Variants in TECTA observed in about 807,000 individuals in gnomAD.
TECTA encodes the protein tectorin alpha.
Under a neutral mutation model 216.8 loss-of-function variants are expected in TECTA, and 128 were observed. The observed-to-expected ratio is 0.59, with a 90% CI of 0.51 to 0.68. The LOEUF (loss-of-function observed/expected upper bound fraction) is 0.68. Ranked by LOEUF, TECTA falls within the 30% of genes least tolerant of loss-of-function variation. TECTA has a pLI of 0.00. For synonymous variants in TECTA, 1,089 were observed against 1,117.1 expected, an observed-to-expected ratio of 0.97 and a Z score of 0.50; for missense variants, 2,551 against 2,786.2, an observed-to-expected ratio of 0.92 and a Z score of 1.90.
intron 3 of TECTA, among the ~76,000 whole-genome samples, chr11:121,107,295 T>G (rs539431945): frequency 6.6e-6 from 1 of 152,340 alleles, no homozygotes; most frequent in Admixed American, 6.5e-5. Context: ...CTGAAGAATT[T>G]TTTCTTGCCC....
At chr11:121,120,352 A>G (rs757701208) in intron 7 of TECTA, among the ~76,000 whole-genome samples, 1 of 152,226 alleles carries the variant, frequency 6.6e-6, no homozygotes, top group African/African-American at 2.4e-5. Flanking sequence ...CAAGCTAACA[A>G]TGGCTTCCTT....
In TECTA at chr11:121,113,357, C is replaced by G. The variant is rs1285705331; in HGVS notation, c.624+148C>G. On this transcript the variant is annotated intron_variant, in intron 5 of 23. Coordinates refer to ENST00000392793, the MANE Select transcript of TECTA (RefSeq NM_005422.4). This position sits in a 1 kb window ranked among gnomAD's most constrained non-coding sequence, Gnocchi z 4.2. ...CAGGTGGACTACGAGGCTAGTCCTG[C>G]CCATGTTTGGCACCCTGACTCGGCT... 6.7e-7 allele frequency: 1 copy of G among 1,497,590 alleles called. No homozygotes were observed. The allele number at this position is 1,497,590 out of a possible 1,614,324, so 92.8% of individuals were successfully genotyped here.
At chr11:121,142,204 G>T (rs1565528326) in intron 11 of TECTA, among the ~76,000 whole-genome samples, 1 of 152,096 alleles carries the variant, frequency 6.6e-6, no homozygotes, top group Non-Finnish European at 1.5e-5. Flanking sequence ...CTAATATGTG[G>T]TCTTATTTCC....
chr11:121,119,848 C>G (rs534173983), intron 7 of TECTA, among the ~76,000 whole-genome samples: 1 of 152,318 alleles, frequency 6.6e-6, no homozygotes, highest in African/African-American at 2.4e-5. Flanking sequence ...TGAGCTATTA[C>G]TGTGGTTGAA....
chr11:121,110,276 C>T (rs2135056049), intron 4 of TECTA: 1 of 152,364 alleles, frequency 6.6e-6, no homozygotes, highest in East Asian at 1.9e-4. Context: ...ACATCTTCAA[C>T]TGTATAATTT....
Position 121,165,257 on chromosome 11 carries a change from G to A in TECTA, c.5273-16G>A. On this transcript the variant is annotated splice_polypyrimidine_tract_variant and intron_variant, in intron 16 of 23. Transcript: ENST00000392793. The stretch of plus-strand genomic sequence containing the variant: ...AAAATGAAGTTGTGCATGTTTCTGT[G>A]TGTTTTTCTTTTTAGCAGGAGTGGT... The A allele has an allele frequency of 1.3e-6, 2 of 1,584,478 alleles. No individual in the cohort carries two copies. The highest frequency in any genetic ancestry group is 1.7e-6 in the Non-Finnish European group (2 of 1,164,028).
At chr11:121,161,904 C>T (rs924285212) in intron 15 of TECTA, among the ~76,000 whole-genome samples, 171 bp from the exon 16 acceptor site, 2 of 152,038 alleles carry the variant, frequency 1.3e-5, no homozygotes, top group Non-Finnish European at 2.9e-5. Flanking sequence ...GTTTTACTTT[C>T]TTAGATGGAT....
chr11:121,124,647 G>T (rs1376785304), intron 7 of TECTA, among the ~76,000 whole-genome samples: 4 of 152,208 alleles, frequency 2.6e-5, no homozygotes, highest in African/African-American at 9.6e-5. Flanking sequence ...TCCTTGAGGG[G>T]CAGGGGCAAT....
intron 7 of TECTA, 105 bp downstream of exon 7, chr11:121,118,823 G>T: frequency 6.9e-7 from 1 of 1,449,342 alleles, no homozygotes; most frequent in Non-Finnish European, 9.5e-7. Context: ...TCTCTGTACA[G>T]TGCCAAAGAG....
chr11:121,162,162 T>G lies in TECTA; in HGVS notation c.5064T>G (p.Asp1688Glu). The G allele has an allele frequency of 6.2e-7, 1 of 1,614,204 alleles. No individual in the cohort carries two copies. Among genetic ancestry groups the G allele is most frequent in the Non-Finnish European group, 8.5e-7 (1 of 1,180,048 alleles). ...TGCACATCCAGAAGATGCAGGGTGA[T>G]GGCTACTGCCTGAAGCTCACCGACA... ...DNVHIQKMQG[D>E]GYCLKLTDMK... is the part of the protein sequence containing the mutation. The change falls in exon 16 of 24, where the codon GAT becomes GAG. Residue 1688 changes from aspartate (D) to glutamate (E), a missense_variant. Asp to Glu is a conservative substitution (Grantham distance 45, BLOSUM62 2). This residue lies in a region of TECTA where 2,375 missense variants were observed against 2,563.9 expected (regional missense o/e 0.93). Transcript: ENST00000392793.
intron 4 of TECTA, among the ~76,000 whole-genome samples, chr11:121,112,818 T>C (rs1366432238): frequency 2.0e-5 from 3 of 152,228 alleles, no homozygotes; most frequent in Non-Finnish European, 4.4e-5. Flanking sequence ...AAGTCAGAGA[T>C]ATAAGTGGGC....
At chr11:121,152,839 C>G (rs1297050832) in intron 12 of TECTA, 42 bp from the exon 13 acceptor site, 1 of 1,566,834 alleles carries the variant, frequency 6.4e-7, no homozygotes, top group African/African-American at 1.3e-5. Flanking sequence ...CTCCTCGGTG[C>G]CTTGTGATCG....
chr11:121,147,671 A>G (rs1946851806), intron 12 of TECTA, among the ~76,000 whole-genome samples: 1 of 152,208 alleles, frequency 6.6e-6, no homozygotes, highest in South Asian at 2.1e-4. Context: ...CTTTGGACGC[A>G]AAGGCCTAAA....
At chr11:121,180,545 A>G (rs1166682362) in intron 20 of TECTA, among the ~76,000 whole-genome samples, 2 of 152,242 alleles carry the variant, frequency 1.3e-5, no homozygotes, top group Middle Eastern at 3.4e-3. Flanking sequence ...TGTTTTTAGA[A>G]TTCTGTCTTT....
Position 121,118,726 on chromosome 11 carries a change from C to G in TECTA, c.1203+8C>G. ...AGCTATGGAAGAGTCAAGGTGAGCC[C>G]CTTTCTATCCTTCACGGGGAAATGG... On this transcript the variant is annotated splice_region_variant and intron_variant, in intron 7 of 23. Transcript: ENST00000392793. The G allele has an allele frequency of 6.2e-7, 1 of 1,613,182 alleles. No individual in the cohort carries two copies. The highest frequency in any genetic ancestry group is 8.5e-7 in the Non-Finnish European group (1 of 1,180,010).
At position 121,167,832 on chromosome 11, in the gene TECTA, G is replaced by A. The variant is rs951069863; in HGVS notation, c.5587-222G>A. ...AGTAGTAGATGAAATCACCTTCCAC[G>A]GGTATTCAAGGTTATCAGACTGAAG... On this transcript the variant is annotated intron_variant, in intron 18 of 23. Transcript: ENST00000392793. 3.9e-5 allele frequency among the ~76,000 whole-genome samples: 6 copies of A among 152,154 alleles called. No homozygotes were observed. In the South Asian group the frequency reaches 1.2e-3, roughly 32 times the overall value.
At chr11:121,170,066 A>C (rs907160279) in intron 20 of TECTA, among the ~76,000 whole-genome samples, 1 of 152,066 alleles carries the variant, frequency 6.6e-6, no homozygotes, top group African/African-American at 2.4e-5. Context: ...CATGAAATCA[A>C]CTTTTTAAGC....
At chr11:121,124,765 G>A (rs1946590995) in intron 7 of TECTA, among the ~76,000 whole-genome samples, 1 of 152,162 alleles carries the variant, frequency 6.6e-6, no homozygotes, top group Non-Finnish European at 1.5e-5. Context: ...TCTGATACAA[G>A]GAAGTTACAG....
intron 4 of TECTA, among the ~76,000 whole-genome samples, chr11:121,111,957 AATGG>A (rs1946446284): frequency 3.3e-5 from 5 of 152,058 alleles, no homozygotes; most frequent in Admixed American, 1.3e-4. Context: ...GATCATCTAG[AATGG>A]GGAGATTTGG....
Sources: gnomAD v4.1 joint callset for allele counts (sites outside exome capture counted in the v4.1 genomes callset) on GRCh38, gnomAD v4.1.1 for gene constraint, gnomAD v4.1.1 regional missense constraint, Gnocchi (gnomAD v3.1) non-coding constraint, MANE v1.5 for transcripts, NCBI Gene and HGNC (gene_info 2026-07-23, HGNC 2026-07-21) for gene names.